Variants in TENM3 observed in about 807,000 individuals in gnomAD.
The protein encoded by TENM3 is teneurin-3.
Under a neutral mutation model 255.1 loss-of-function variants are expected in TENM3, and 63 were observed. That is an observed-to-expected ratio of 0.25 (90% CI 0.20 to 0.30). TENM3 has a LOEUF of 0.30. Ranked by LOEUF, TENM3 falls within the 10% of genes least tolerant of loss-of-function variation. The probability of loss-of-function intolerance (pLI) is 1.00; values close to 1 mark genes in which losing one functional copy is unlikely to be tolerated. For missense variants in TENM3, 2,929 were observed against 3,461.1 expected (o/e 0.85, Z 3.86); for synonymous variants, 1,306 against 1,322.3 (o/e 0.99, Z 0.27).
At chr4:181,448,154 A>ATTTTTTTTTTTTTTTTTTTTTTTT in the TENM3 span, among the ~76,000 whole-genome samples, 4 of 90,124 alleles carry the variant, frequency 4.4e-5, no homozygotes, top group African/African-American at 1.4e-4. Flanking sequence ...AAATCCAGTA[A>ATTTTTTTTTTTTTTTTTTTTTTTT]TTTTTTTTTT....
At chr4:181,843,240 G>A in the TENM3 span, among the ~76,000 whole-genome samples, 45 of 152,264 alleles carry the variant, frequency 3.0e-4, no homozygotes, top group African/African-American at 9.9e-4. Flanking sequence ...ATTAAATTTA[G>A]AGGTGATATT....
chr4:182,539,366 C>G (rs569855094), intron 3 of TENM3, among the ~76,000 whole-genome samples: 1 of 152,020 alleles, frequency 6.6e-6, no homozygotes, highest in Non-Finnish European at 1.5e-5. Context: ...GCAGTGACTT[C>G]TCCGGAGGGA....
At chr4:182,701,384 C>T (rs1757862425) in intron 12 of TENM3, among the ~76,000 whole-genome samples, 1 of 151,762 alleles carries the variant, frequency 6.6e-6, no homozygotes, top group South Asian at 2.1e-4. Flanking sequence ...CCACACCTGG[C>T]TAATTTTTTG....
intron 8 of TENM3, 61 bp from the exon 9 acceptor site, chr4:182,680,187 C>T (rs1756033018): frequency 8.5e-6 from 10 of 1,173,670 alleles, no homozygotes; most frequent in East Asian, 7.2e-5. Flanking sequence ...AAAGTGATAC[C>T]GTTTATCTTT....
chr4:181,999,024 G>C, the TENM3 span, among the ~76,000 whole-genome samples: 1 of 152,136 alleles, frequency 6.6e-6, no homozygotes, highest in Non-Finnish European at 1.5e-5. Flanking sequence ...CAGAGCTCTT[G>C]GCTGGTGGTT....
At chr4:182,103,360 T>G in the TENM3 span, among the ~76,000 whole-genome samples, 3 of 152,274 alleles carry the variant, frequency 2.0e-5, no homozygotes, top group African/African-American at 7.2e-5. Context: ...TTCTTTCATT[T>G]CACCTGTAAG....
the TENM3 span, among the ~76,000 whole-genome samples, chr4:181,993,212 C>G: frequency 6.6e-6 from 1 of 152,066 alleles, no homozygotes; most frequent in African/African-American, 2.4e-5. Context: ...GCACAATAGG[C>G]TAATTTGCTT....
At chr4:182,299,012 A>T (rs1006663401) in intron 1 of TENM3, among the ~76,000 whole-genome samples, 7 of 98,854 alleles carry the variant, frequency 7.1e-5, no homozygotes, top group African/African-American at 3.4e-4. Flanking sequence ...AAAAAAAAAA[A>T]AAAAGAGGTA....
intron 3 of TENM3, among the ~76,000 whole-genome samples, chr4:182,558,124 G>A (rs1387596043): frequency 2.0e-5 from 3 of 152,172 alleles, no homozygotes; most frequent in Non-Finnish European, 4.4e-5. Flanking sequence ...TTACTTTGCA[G>A]TGGTTTGCCC....
chr4:181,841,866 G>T, the TENM3 span, among the ~76,000 whole-genome samples: 21 of 152,168 alleles, frequency 1.4e-4, no homozygotes, highest in Non-Finnish European at 2.8e-4. Context: ...CAAAAATAAG[G>T]CCCCTTGAAT....
intron 1 of TENM3, chr4:182,169,225 C>G (rs1034187350): frequency 2.1e-6 from 1 of 467,286 alleles, no homozygotes; most frequent in African/African-American, 2.0e-5. Context: ...TGCAGTCTGG[C>G]GAGTCAGGTT....
At chr4:181,609,696 C>A in the TENM3 span, among the ~76,000 whole-genome samples, 1 of 152,352 alleles carries the variant, frequency 6.6e-6, no homozygotes, top group African/African-American at 2.4e-5. Flanking sequence ...CTTGAGCATT[C>A]AATCCAGTTT....
the TENM3 span, among the ~76,000 whole-genome samples, chr4:181,767,251 CAAAAA>C: frequency 2.6e-5 from 2 of 75,718 alleles, no homozygotes; most frequent in Admixed American, 1.5e-4. Context: ...GACTCCGTCT[CAAAAA>C]AAAAAAAAAA....
the TENM3 span, among the ~76,000 whole-genome samples, chr4:181,737,169 T>C: frequency 6.6e-6 from 1 of 152,040 alleles, no homozygotes; most frequent in Non-Finnish European, 1.5e-5. Flanking sequence ...AATCCCAAAG[T>C]CTAGTACAGA....
At chr4:182,020,237 G>A in the TENM3 span, among the ~76,000 whole-genome samples, 6 of 151,760 alleles carry the variant, frequency 4.0e-5, no homozygotes, top group African/African-American at 1.5e-4. Flanking sequence ...GTGGTGGTGG[G>A]AGCCTGTAAT....
chr4:181,662,961 G>GT, the TENM3 span, among the ~76,000 whole-genome samples: 1 of 152,248 alleles, frequency 6.6e-6, no homozygotes, highest in South Asian at 2.1e-4. Context: ...AACTGCCATA[G>GT]TTTTTATAGC....
At chr4:182,223,073 C>T (rs190155248) in intron 1 of TENM3, among the ~76,000 whole-genome samples, 1 of 152,154 alleles carries the variant, frequency 6.6e-6, no homozygotes, top group African/African-American at 2.4e-5. Flanking sequence ...CATTCAGCAG[C>T]TTGTCAATAA....
At chr4:182,369,689 T>G (rs2150845419) in intron 3 of TENM3, among the ~76,000 whole-genome samples, 1 of 152,154 alleles carries the variant, frequency 6.6e-6, no homozygotes, top group Admixed American at 6.5e-5. Context: ...GAGACCAGCT[T>G]GGTCAACATG....
At chr4:181,634,648 T>C in the TENM3 span, among the ~76,000 whole-genome samples, 10 of 152,326 alleles carry the variant, frequency 6.6e-5, no homozygotes, top group South Asian at 4.1e-4. Context: ...TTCAGATTAA[T>C]GTGCTAAAAG....
Sources: gnomAD v4.1 joint callset for allele counts (sites outside exome capture counted in the v4.1 genomes callset) on GRCh38, gnomAD v4.1.1 for gene constraint, MANE v1.5 for transcripts, NCBI Gene and HGNC (gene_info 2026-07-23, HGNC 2026-07-21) for gene names.